The following ZMYM1 variants were observed in gnomAD, a reference collection of about 807,000 sequenced individuals.
ZMYM1 encodes the protein zinc finger MYM-type containing 1, also known as zinc finger MYM-type protein 1.
Under a neutral mutation model 60.0 loss-of-function variants are expected in ZMYM1, and 39 were observed. The ratio of observed to expected loss-of-function variants is 0.65; its 90% confidence interval spans 0.50 to 0.85. ZMYM1 has a LOEUF of 0.85. Among genes scored for constraint, ZMYM1 ranks in the 40% least tolerant of loss-of-function variants. The pLI is 0.00. For missense variants in ZMYM1, 1,171 were observed against 1,309.5 expected (o/e 0.89, Z 1.63); for synonymous variants, 413 against 454.0 (o/e 0.91, Z 1.15).
chr1:35,106,950 C>T (rs1208999458), intron 6 of ZMYM1, among the ~76,000 whole-genome samples: 1 of 151,620 alleles, frequency 6.6e-6, no homozygotes, highest in Non-Finnish European at 1.5e-5. Context: ...CTCGCGGGTT[C>T]ACGCCATTCT....
chr1:35,110,567 C>A, intron 7 of ZMYM1, 120 bp downstream of exon 7: 1 of 871,356 alleles, frequency 1.1e-6, no homozygotes, highest in Non-Finnish European at 1.5e-6. Flanking sequence ...TCAAAACAAT[C>A]TAAACTTGTT....
rs531747359 is a variant in ZMYM1 at position 35,114,681 on chromosome 1, G to T, written c.2851G>T (p.Asp951Tyr). The change falls in exon 10 of 10, where the codon GAT becomes TAT. Residue 951 changes from aspartate (D) to tyrosine (Y), a missense_variant. By Grantham distance (160) the Asp-to-Tyr change is radical. Coordinates refer to ENST00000359858, the MANE Select transcript of ZMYM1 (RefSeq NM_024772.5). ...GAAATCAGTAGATCTTGGCAATTCA[G>T]ATAATATGTTTTTTCCTACTTCAAC... ...IQKSVDLGNS[D>Y]NMFFPTSTEE... 1 of 1,588,890 alleles carries T rather than the reference G, an allele frequency of 6.3e-7. No individual in the cohort carries two copies. The highest frequency in any genetic ancestry group is 2.2e-5 in the East Asian group (1 of 44,666).
At chr1:35,116,865 AC>A (rs1365614136), downstream of ZMYM1, among the ~76,000 whole-genome samples, 13 of 42,424 alleles carry the variant, frequency 3.1e-4, no homozygotes, top group African/African-American at 8.4e-4. Context: ...TTTTTTTGAG[AC>A]GGAGTCTCGC....
At chr1:35,108,963 G>C (rs12066468) in intron 6 of ZMYM1, among the ~76,000 whole-genome samples, 3 of 151,714 alleles carry the variant, frequency 2.0e-5, no homozygotes, top group Non-Finnish European at 4.4e-5. Flanking sequence ...TCCTGCCTTA[G>C]CCTCCCAAAG....
Position 35,114,781 on chromosome 1 carries a change from C to T in ZMYM1, c.2951C>T (p.Ser984Leu), listed in dbSNP as rs374906692. The T allele has an allele frequency of 4.3e-5, 68 of 1,599,740 alleles. No individual in the cohort carries two copies. Among genetic ancestry groups the T allele is most frequent in the East Asian group, 1.1e-4 (5 of 44,708 alleles). ...TTACAAAATTTAAAGTTATGTTTTT[C>T]GGAGTTTGATTATTGCAAAATAAAG... Reference protein sequence around the residue: ...TILQNLKLCFSEFDYCKIKQI... With the variant: ...TILQNLKLCFLEFDYCKIKQI... Residue 984 changes from serine (S) to leucine (L), a missense_variant, in exon 10 of 10, where the codon TCG becomes TTG. Ser to Leu is a moderately radical substitution (Grantham distance 145, BLOSUM62 -2). Transcript: ENST00000359858.
At chr1:35,097,191 T>C (rs988497607) in intron 3 of ZMYM1, 126 bp from the exon 4 acceptor site, 122 of 1,061,926 alleles carry the variant, frequency 1.1e-4, no homozygotes, top group Non-Finnish European at 1.6e-4. Flanking sequence ...CTACACTGCC[T>C]AGAGTGCAAA....
In ZMYM1 at chr1:35,115,375, C is replaced by A; in HGVS notation, c.*116C>A. ...GATAAACAGTGAAGTCTCCTTCCCT[C>A]CTTTAGAACTCATTTTCTCTTCCCA... On this transcript the variant is annotated 3_prime_UTR_variant, in exon 10 of 10. Transcript: ENST00000359858. 8.3e-7 allele frequency: 1 copy of A among 1,211,052 alleles called. No individual in the cohort carries two copies. Among genetic ancestry groups the A allele is most frequent in the Non-Finnish European group, 1.1e-6 (1 of 899,242 alleles). The allele number at this position is 1,211,052 out of a possible 1,614,324, so 75.0% of individuals were successfully genotyped here.
At chr1:35,118,564 A>G (rs2935945), downstream of ZMYM1, among the ~76,000 whole-genome samples, 35,268 of 151,904 alleles carry the variant, frequency 0.23, 5,815 homozygotes, top group East Asian at 0.64. Context: ...AAAATTAGCC[A>G]GGCGCAGTGG....
chr1:35,097,795 C>G (rs936173734), intron 4 of ZMYM1: 2 of 509,860 alleles, frequency 3.9e-6, no homozygotes, highest in Non-Finnish European at 7.0e-6. Flanking sequence ...CAGCCATGCA[C>G]CACCACGCCC....
At position 35,115,256 on chromosome 1, in the gene ZMYM1, A is replaced by G; in HGVS notation, c.3426A>G (p.Ile1142Met). 6.3e-7 allele frequency: 1 copy of G among 1,576,916 alleles called. No individual in the cohort carries two copies. The highest frequency in any genetic ancestry group is 1.2e-5 in the South Asian group (1 of 84,338). Residue 1142 changes from isoleucine (I) to methionine (M), a missense_variant, in exon 10 of 10, where the codon ATA becomes ATG. Transcript: ENST00000359858. ...VEKFISQMKEI is the reference protein window; with the variant it reads ...VEKFISQMKEM ...AGTTTATCAGTCAGATGAAAGAAAT[A>G]TAATACATGCTCATTTGAACTTACC...
Position 35,114,016 on chromosome 1 carries a change from TAGC to T in ZMYM1, c.2192_2194del (p.Ala731del), listed in dbSNP as rs765944095. 1.2e-6 allele frequency: 2 copies of T among 1,606,628 alleles called. No homozygotes were observed. Among genetic ancestry groups the T allele is most frequent in the African/African-American group, 1.3e-5 (1 of 74,464 alleles). On this transcript the variant is annotated inframe_deletion, in exon 10 of 10. Coordinates refer to ENST00000359858, the MANE Select transcript of ZMYM1 (RefSeq NM_024772.5). ...AATTTGAAGATAAAATTTAATAAAA[TAGC>T]AGCAGAATTCAAGAAAGAAGAACCA...
intron 1 of ZMYM1, among the ~76,000 whole-genome samples, chr1:35,082,702 G>A (rs149352858): frequency 0.017 from 2,500 of 151,464 alleles, 75 homozygotes; most frequent in African/African-American, 0.056. Context: ...TTTAGTGGCC[G>A]GGCGTGGTGG....
chr1:35,063,402 G>A (rs1641910020), intron 1 of ZMYM1, among the ~76,000 whole-genome samples: 1 of 152,076 alleles, frequency 6.6e-6, no homozygotes, highest in Admixed American at 6.6e-5. Context: ...CAGACTCCTG[G>A]GTTCAAGCAA....
intron 1 of ZMYM1, among the ~76,000 whole-genome samples, chr1:35,062,338 T>C (rs1641891638): frequency 6.6e-6 from 1 of 152,222 alleles, no homozygotes; most frequent in African/African-American, 2.4e-5. Context: ...TATTCTTTGC[T>C]CTTTTCTGCC....
intron 4 of ZMYM1, 188 bp downstream of exon 4, chr1:35,097,754 C>T (rs1643414097): frequency 1.6e-6 from 1 of 609,320 alleles, no homozygotes; most frequent in Non-Finnish European, 2.8e-6. Flanking sequence ...AAGCGATTCT[C>T]CTGCCTCAGC....
At position 35,113,396 on chromosome 1, in the gene ZMYM1, A is replaced by T. The variant is rs776913221; in HGVS notation, c.1566A>T (p.Ser522=). The change falls in exon 10 of 10, where the codon TCA becomes TCT. Residue 522 remains serine (S), a synonymous_variant. Transcript: ENST00000359858. Reference sequence around the variant, plus strand: ...AAAAAAGTGAAATGCATTTGAAGTCATTGGAATTTTGGAGAGAATACCAAT... The same window carrying T: ...AAAAAAGTGAAATGCATTTGAAGTCTTTGGAATTTTGGAGAGAATACCAAT... ...KHEKSEMHLK[S]LEFWREYQFC... 2 of 1,613,876 alleles carry T rather than the reference A, an allele frequency of 1.2e-6. No homozygotes were observed. The highest frequency in any genetic ancestry group is 1.7e-6 in the Non-Finnish European group (2 of 1,179,950).
At position 35,113,250 on chromosome 1, in the gene ZMYM1, G is replaced by A; in HGVS notation, c.1420G>A (p.Val474Met). 6.2e-7 allele frequency: 1 copy of A among 1,613,130 alleles called. No individual in the cohort carries two copies. Among genetic ancestry groups the A allele is most frequent in the Non-Finnish European group, 8.5e-7 (1 of 1,179,194 alleles). The change falls in exon 10 of 10, where the codon GTG becomes ATG. Residue 474 changes from valine (V) to methionine (M), a missense_variant. By Grantham distance (21) the Val-to-Met change is conservative (BLOSUM62 1). Transcript: ENST00000359858. ...FECLENSKKD[V>M]AFCYSCQLFC... ...GTGTTTGGAAAACAGTAAAAAAGAT[G>A]TGGCATTCTGTTATTCATGCCAGTT...
chr1:35,098,219 T>G lies in ZMYM1; in HGVS notation c.419+653T>G, dbSNP rs138143487. ...AGTTTGGATTTTCCAAGATGTGGAA[T>G]AATATTATATTTCTTTTATAATGGT... On this transcript the variant is annotated intron_variant, in intron 4 of 9. Transcript: ENST00000359858. Among the ~76,000 whole-genome samples, 475 of 152,320 alleles carry G rather than the reference T, an allele frequency of 3.1e-3. 4 individuals are homozygous for G. Among genetic ancestry groups the G allele is most frequent in the African/African-American group, 0.011 (444 of 41,572 alleles).
Position 35,104,343 on chromosome 1 carries a change from T to A in ZMYM1, c.468T>A (p.Thr156=), listed in dbSNP as rs372013847. 3.7e-6 allele frequency: 6 copies of A among 1,610,564 alleles called. No individual in the cohort carries two copies. Among genetic ancestry groups the A allele is most frequent in the Non-Finnish European group, 5.1e-6 (6 of 1,179,100 alleles). ...TGATTAGTGTCCAGCTGGAAGACAC[T>A]ACCTCTTGCAAAACTTTTTGCAGCC... ...KDVISVQLED[T]TSCKTFCSLS... is the part of the protein sequence containing the mutation. The change falls in exon 5 of 10, where the codon ACT becomes ACA. Residue 156 remains threonine (T), a synonymous_variant. Transcript: ENST00000359858.
Sources: allele counts gnomAD v4.1 joint callset (sites outside exome capture counted in the v4.1 genomes callset), GRCh38; gene constraint gnomAD v4.1.1; transcripts MANE v1.5; gene names NCBI Gene and HGNC (gene_info 2026-07-23, HGNC 2026-07-21).